COL4A2: variants seen among roughly 807,000 people sequenced by gnomAD.
The protein encoded by COL4A2 is collagen type IV alpha 2 chain.
Under a neutral mutation model 200.2 loss-of-function variants are expected in COL4A2, and 99 were observed. That is an observed-to-expected ratio of 0.49 (90% CI 0.42 to 0.58). COL4A2 has a LOEUF of 0.58. COL4A2 is among the 20% of genes least tolerant of loss of function. The pLI is 0.00. For missense variants in COL4A2, 1,950 were observed against 2,314.1 expected (o/e 0.84, Z 3.23); for synonymous variants, 897 against 900.6 (o/e 1.00, Z 0.07).
intron 3 of COL4A2, among the ~76,000 whole-genome samples, chr13:110,332,212 C>G (rs965119032): frequency 3.3e-5 from 5 of 152,152 alleles, no homozygotes; most frequent in African/African-American, 1.2e-4. Flanking sequence ...GGCTTATTAG[C>G]CAAGTATACA....
At chr13:110,331,546 C>T (rs558046615) in intron 3 of COL4A2, among the ~76,000 whole-genome samples, 1 of 152,276 alleles carries the variant, frequency 6.6e-6, no homozygotes, top group African/African-American at 2.4e-5. Context: ...GAGGTGCACC[C>T]ACAGCCCATG....
chr13:110,310,465 A>G (rs998717402), intron 3 of COL4A2, among the ~76,000 whole-genome samples: 2 of 80,182 alleles, frequency 2.5e-5, no homozygotes, highest in Non-Finnish European at 4.6e-5. Context: ...TTCTAACTCA[A>G]CCAAAAAAAA....
chr13:110,365,627 C>T (rs1398942799), intron 4 of COL4A2, among the ~76,000 whole-genome samples: 1 of 152,156 alleles, frequency 6.6e-6, no homozygotes, highest in East Asian at 1.9e-4. Context: ...CTCCCCCTAC[C>T]CTTCTCTCTG....
At chr13:110,474,550 G>A (rs191483436) in intron 29 of COL4A2, among the ~76,000 whole-genome samples, 1 of 127,588 alleles carries the variant, frequency 7.8e-6, no homozygotes, top group Non-Finnish European at 1.8e-5. Flanking sequence ...CAGAGTGCAT[G>A]CATGCACACA....
intron 4 of COL4A2, among the ~76,000 whole-genome samples, chr13:110,387,200 C>T (rs559194554): frequency 6.6e-6 from 1 of 152,248 alleles, no homozygotes; most frequent in South Asian, 2.1e-4. Context: ...AATCGCACCA[C>T]TGCACTCCAG....
intron 3 of COL4A2, among the ~76,000 whole-genome samples, chr13:110,309,869 T>A (rs542486113): frequency 6.6e-6 from 1 of 152,320 alleles, no homozygotes; most frequent in African/African-American, 2.4e-5. Flanking sequence ...CGCTTGCCTG[T>A]AATTCCAGCT....
intron 20 of COL4A2, among the ~76,000 whole-genome samples, chr13:110,454,864 T>C (rs935607135): frequency 2.0e-5 from 3 of 152,148 alleles, no homozygotes; most frequent in Non-Finnish European, 4.4e-5. Flanking sequence ...GTCTCACAAA[T>C]GCCTCAAGCT....
At chr13:110,333,795 T>A (rs911598219) in intron 3 of COL4A2, among the ~76,000 whole-genome samples, 1 of 152,246 alleles carries the variant, frequency 6.6e-6, no homozygotes, top group Non-Finnish European at 1.5e-5. Flanking sequence ...GTTGTATAGT[T>A]ATGATTATAA....
In COL4A2 at chr13:110,503,147, G is replaced by C. The variant is rs1566570992; in HGVS notation, c.3904G>C (p.Gly1302Arg). 6.2e-7 allele frequency: 1 copy of C among 1,613,942 alleles called. No individual in the cohort carries two copies. Among genetic ancestry groups the C allele is most frequent in the Non-Finnish European group, 8.5e-7 (1 of 1,179,968 alleles). The change falls in exon 42 of 48, where the codon GGT becomes CGT. Residue 1302 changes from glycine to arginine, a missense_variant. By Grantham distance (125) the Gly-to-Arg change is moderately radical (BLOSUM62 -2). Transcript: ENST00000360467. The stretch of plus-strand genomic sequence containing the variant: ...TTATCGGGGCCCACCAGGGCCACCA[G>C]GTTCTGCTGCTCTTCCTGGAAGCAA... Reference protein sequence around the residue: ...KGYRGPPGPPGSAALPGSKGD... With the variant: ...KGYRGPPGPPRSAALPGSKGD...
intron 45 of COL4A2, among the ~76,000 whole-genome samples, chr13:110,506,109 G>A (rs1266807773): frequency 6.6e-6 from 1 of 152,194 alleles, no homozygotes; most frequent in Non-Finnish European, 1.5e-5. Flanking sequence ...CGAGGTTTCT[G>A]TGGGGCGGCT....
rs781263723 is a variant in COL4A2 at position 110,465,559 on chromosome 13, C to T, written c.1931C>T (p.Pro644Leu). 2 of 1,613,948 alleles carry T rather than the reference C, an allele frequency of 1.2e-6. No homozygotes were observed. The highest frequency in any genetic ancestry group is 1.1e-5 in the South Asian group (1 of 91,080). Residue 644 changes from proline to leucine, a missense_variant, in exon 25 of 48, where the codon CCA (proline) becomes CTA (leucine). This residue lies in a region of COL4A2 where 1,385 missense variants were observed against 1,720.5 expected (regional missense o/e 0.80). Transcript: ENST00000360467. ...FPGDAGLPGPPGFLGPPGPAG... is the reference protein window; with the variant it reads ...FPGDAGLPGPLGFLGPPGPAG... ...GGAGACGCCGGCTTACCTGGACCAC[C>T]AGGCTTCCTGGGCCCTCCTGGCCCC...
intron 4 of COL4A2, among the ~76,000 whole-genome samples, chr13:110,394,772 C>T (rs1879128372): frequency 6.6e-6 from 1 of 152,194 alleles, no homozygotes; most frequent in African/African-American, 2.4e-5. Context: ...AGATGCATTC[C>T]ATCATGTAAT....
Position 110,438,005 on chromosome 13 carries a change from G to A in COL4A2, c.829G>A (p.Glu277Lys), listed in dbSNP as rs545624331. The A allele has an allele frequency of 3.7e-6, 6 of 1,612,818 alleles. No homozygotes were observed. The East Asian group carries it at 8.9e-5, about 24-fold the overall frequency. The stretch of plus-strand genomic sequence containing the variant: ...TTATTTTTCATATTCTTCACAGGGT[G>A]AAAAAGGCAGTGAGGGGGAACCAGG... ...VTFHPDQYKG[E>K]KGSEGEPGIR... Residue 277 changes from glutamate to lysine, a missense_variant, in exon 14 of 48, where the codon GAA becomes AAA. Physicochemically the swap from Glu to Lys is moderately conservative, Grantham distance 56. Coordinates refer to ENST00000360467, the MANE Select transcript of COL4A2 (RefSeq NM_001846.4).
intron 3 of COL4A2, among the ~76,000 whole-genome samples, chr13:110,313,168 G>A (rs866015161): frequency 2.6e-5 from 4 of 152,166 alleles, no homozygotes; most frequent in Middle Eastern, 3.2e-3. Flanking sequence ...TTTCTCAGTT[G>A]AGATGAGGAA....
Position 110,357,531 on chromosome 13 carries a change from C to A in COL4A2, c.159C>A (p.Cys53Ter). 1 of 1,588,626 alleles carries A rather than the reference C, an allele frequency of 6.3e-7. No individual in the cohort carries two copies. The highest frequency in any genetic ancestry group is 8.6e-7 in the Non-Finnish European group (1 of 1,165,032). ...GGRDCSGGCQ[C>*]YPEKGGRGQP... ...GAGATTGCAGTGGGGGCTGCCAGTG[C>A]TACCCTGAGAAAGGTGGACGTGTAA... Residue 53 changes from cysteine (C) to a stop codon, truncating the protein, a stop_gained, in exon 4 of 48, where the codon TGC (cysteine) becomes TGA (stop). Coordinates refer to ENST00000360467, the MANE Select transcript of COL4A2 (RefSeq NM_001846.4). LOFTEE classifies it high-confidence loss of function.
chr13:110,460,761 A>G (rs1881993338), intron 22 of COL4A2, among the ~76,000 whole-genome samples: 1 of 152,136 alleles, frequency 6.6e-6, no homozygotes, highest in Non-Finnish European at 1.5e-5. Flanking sequence ...TAATATCTGT[A>G]CTGGTAGAGT....
chr13:110,397,762 A>T (rs1879231419), intron 4 of COL4A2, among the ~76,000 whole-genome samples: 1 of 152,178 alleles, frequency 6.6e-6, no homozygotes, highest in African/African-American at 2.4e-5. Flanking sequence ...TGAGGGCAGG[A>T]GAAAGAATCA....
intron 3 of COL4A2, among the ~76,000 whole-genome samples, chr13:110,337,117 A>G (rs1171889158): frequency 2.0e-5 from 3 of 152,204 alleles, no homozygotes; most frequent in Non-Finnish European, 4.4e-5. Context: ...TACACGTAGG[A>G]CGTATAATAT....
intron 4 of COL4A2, among the ~76,000 whole-genome samples, chr13:110,374,578 CTT>C (rs1843548730): frequency 6.6e-6 from 1 of 152,230 alleles, no homozygotes; most frequent in Non-Finnish European, 1.5e-5. Flanking sequence ...TCTCTTTCCT[CTT>C]TTGGAAGCAG....
Sources: allele counts gnomAD v4.1 joint callset (sites outside exome capture counted in the v4.1 genomes callset), GRCh38; gene constraint gnomAD v4.1.1; regional missense constraint gnomAD v4.1.1; transcripts MANE v1.5; gene names NCBI Gene and HGNC (gene_info 2026-07-23, HGNC 2026-07-21).